Variants in GK5 observed in about 807,000 individuals in gnomAD.
GK5 encodes glycerol kinase 5, also known as ATP:glycerol 3-phosphotransferase 5.
GK5 carries 39 observed loss-of-function variants against 77.3 expected under a neutral mutation model. That is an observed-to-expected ratio of 0.50 (90% CI 0.39 to 0.66). GK5 has a LOEUF of 0.66. GK5 is among the 30% of genes least tolerant of loss of function. The pLI, the probability that GK5 is intolerant of heterozygous loss-of-function variation, is 0.00. For missense variants in GK5, 487 were observed against 633.8 expected (o/e 0.77, Z 2.49); for synonymous variants, 211 against 208.0 (o/e 1.01, Z -0.13).
chr3:142,181,730 G>A (rs993526877), intron 10 of GK5, among the ~76,000 whole-genome samples, 165 bp from the exon 11 acceptor site: 1 of 152,180 alleles, frequency 6.6e-6, no homozygotes, highest in Non-Finnish European at 1.5e-5. Context: ...CTGTAGTCTT[G>A]CAAGTTTCTA....
At position 142,185,947 on chromosome 3, in the gene GK5, A is replaced by G; in HGVS notation, c.798T>C (p.Pro266=). ...GSVDEEIFGV[P]IPIVALVADQ... ...TACTTACCAAGGCAACTATTGGTATAGGCACACCAAATATCTCTTCATCCA... is the reference window on the plus strand; with the variant it reads ...TACTTACCAAGGCAACTATTGGTATGGGCACACCAAATATCTCTTCATCCA... The change falls in exon 9 of 16, where the codon CCT becomes CCC. Residue 266 remains proline, a synonymous_variant. Transcript: ENST00000392993. The G allele has an allele frequency of 6.2e-7, 1 of 1,609,528 alleles. No individual in the cohort carries two copies. Among genetic ancestry groups the G allele is most frequent in the South Asian group, 1.1e-5 (1 of 90,280 alleles).
At chr3:142,180,723 G>A (rs1375237254) in intron 11 of GK5, among the ~76,000 whole-genome samples, 1 of 152,066 alleles carries the variant, frequency 6.6e-6, no homozygotes, top group South Asian at 2.1e-4. Context: ...AGTAGCAGCT[G>A]TTCAGTAGAG....
At chr3:142,215,124 TTTC>T (rs1240004404) in intron 2 of GK5, among the ~76,000 whole-genome samples, 1 of 152,226 alleles carries the variant, frequency 6.6e-6, no homozygotes, top group East Asian at 1.9e-4. Flanking sequence ...TTTAAGAATG[TTTC>T]TAACATTCTT....
Position 142,198,896 on chromosome 3 carries a change from G to C in GK5, c.449C>G (p.Thr150Ser). ...HSSCRVLHFFTRSKRLFTASL... is the reference protein window; with the variant it reads ...HSSCRVLHFFSRSKRLFTASL... ...GGCTGTAAAAAGTCGTTTACTTCTA[G>C]TGAAAAAGTGAAGCACTCGGCAAGA... The change falls in exon 5 of 16, where the codon ACT becomes AGT. Residue 150 changes from threonine to serine, a missense_variant. This residue lies in a region of GK5 where 323 missense variants were observed against 437.4 expected (regional missense o/e 0.74). Coordinates refer to ENST00000392993, the MANE Select transcript of GK5 (RefSeq NM_001039547.3). The C allele has an allele frequency of 1.2e-6, 2 of 1,612,662 alleles. No homozygotes were observed. Among genetic ancestry groups the C allele is most frequent in the Non-Finnish European group, 1.7e-6 (2 of 1,179,010 alleles).
At chr3:142,222,643 C>A (rs1463208495) in intron 1 of GK5, among the ~76,000 whole-genome samples, 2 of 152,002 alleles carry the variant, frequency 1.3e-5, no homozygotes, top group Non-Finnish European at 2.9e-5. Flanking sequence ...TGCAGTAACT[C>A]GTGCCTGTAA....
chr3:142,182,737 C>T (rs1165428597), intron 10 of GK5, among the ~76,000 whole-genome samples, 186 bp downstream of exon 10: 1 of 152,002 alleles, frequency 6.6e-6, no homozygotes, highest in Non-Finnish European at 1.5e-5. Flanking sequence ...TCAACAATAT[C>T]ATTCTTGTTT....
intron 12 of GK5, chr3:142,173,300 CA>C (rs2063564509): frequency 2.9e-6 from 1 of 346,728 alleles, no homozygotes. Flanking sequence ...TCAAAAGAGC[CA>C]AAATGTTGAG....
chr3:142,215,743 G>A, intron 1 of GK5, 51 bp from the exon 2 acceptor site: 1 of 842,386 alleles, frequency 1.2e-6, no homozygotes, highest in South Asian at 1.5e-5. Context: ...CAAGTCAATA[G>A]TATGGGTCTT....
At position 142,213,104 on chromosome 3, in the gene GK5, G is replaced by A. The variant is rs564085822; in HGVS notation, c.317+422C>T. ...CCACCTCGGCCTCCCAAAGTGCTGG[G>A]ATTACAGGCGTGAGCCACCGCTCCT... On this transcript the variant is annotated intron_variant, in intron 3 of 15. Transcript: ENST00000392993. 9.9e-5 allele frequency among the ~76,000 whole-genome samples: 15 copies of A among 152,120 alleles called. No individual in the cohort carries two copies. The East Asian group carries it at 2.7e-3, about 27-fold the overall frequency.
chr3:142,221,523 ATTTTT>A (rs890042099), intron 1 of GK5, among the ~76,000 whole-genome samples: 1 of 151,766 alleles, frequency 6.6e-6, no homozygotes. Context: ...ATAAAAGTTA[ATTTTT>A]TTTTATTAAA....
intron 13 of GK5, 108 bp downstream of exon 13, chr3:142,172,245 A>C: frequency 1.8e-6 from 1 of 552,546 alleles, no homozygotes. Flanking sequence ...TAAGCCAAAA[A>C]TACAAAGAAT....
At chr3:142,207,958 A>T (rs1450009702) in intron 3 of GK5, among the ~76,000 whole-genome samples, 1 of 152,242 alleles carries the variant, frequency 6.6e-6, no homozygotes, top group Non-Finnish European at 1.5e-5. Context: ...GGTCACCATT[A>T]TCATGAGTAC....
Position 142,185,041 on chromosome 3 carries a change from C to CA in GK5, c.816+887dup, listed in dbSNP as rs1354551635. 3.2e-5 allele frequency: 32 copies of CA among 985,310 alleles called. No individual in the cohort carries two copies. In the South Asian group the frequency reaches 1.4e-3, roughly 42 times the overall value. The allele number at this position is 985,310 out of a possible 1,614,324, so 61.0% of individuals were successfully genotyped here. A position where few individuals can be genotyped will look rare whatever the true frequency, so the allele number is the denominator to read the frequency against. ...GCTCCCCCAGCTACTGTGGAGACTG[C>CA]ACATCTTGCAACAGGTGGTCTCTAC... On this transcript the variant is annotated intron_variant, in intron 9 of 15. Coordinates refer to ENST00000392993, the MANE Select transcript of GK5 (RefSeq NM_001039547.3).
At position 142,205,238 on chromosome 3, in the gene GK5, C is replaced by T. The variant is rs373759808; in HGVS notation, c.318-450G>A. Among the ~76,000 whole-genome samples the T allele has an allele frequency of 2.4e-4, 36 of 152,204 alleles. No individual in the cohort carries two copies. The East Asian group carries it at 6.8e-3, about 29-fold the overall frequency. The stretch of plus-strand genomic sequence containing the variant: ...CCTAACATGCTTACCAAAATCTCTC[C>T]AATAAATAGAAATTCAACAACTCTT... On this transcript the variant is annotated intron_variant, in intron 3 of 15. Transcript: ENST00000392993.
chr3:142,177,825 G>C (rs1033152566), intron 11 of GK5, among the ~76,000 whole-genome samples: 3 of 151,606 alleles, frequency 2.0e-5, no homozygotes, highest in Non-Finnish European at 2.9e-5. Context: ...TCTTAGATAG[G>C]CTCTGTATGC....
At chr3:142,184,259 T>C (rs1403076267) in intron 9 of GK5, among the ~76,000 whole-genome samples, 1 of 8,616 alleles carries the variant, frequency 1.2e-4, no homozygotes, top group Non-Finnish European at 1.6e-4. Context: ...AGACTCTGTC[T>C]CAAAAAAAAA....
chr3:142,176,739 G>A (rs1252600260), intron 12 of GK5, among the ~76,000 whole-genome samples: 1 of 130,636 alleles, frequency 7.7e-6, no homozygotes, highest in Non-Finnish European at 1.5e-5. Flanking sequence ...TCGGCTCACT[G>A]CAACCTCCAC....
intron 1 of GK5, among the ~76,000 whole-genome samples, chr3:142,222,442 G>A (rs1341222289): frequency 2.0e-5 from 3 of 152,128 alleles, no homozygotes; most frequent in Non-Finnish European, 4.4e-5. Context: ...GCGGGCGCCT[G>A]TAGTCCCAGC....
intron 2 of GK5, among the ~76,000 whole-genome samples, chr3:142,215,375 G>C (rs1228754337): frequency 6.6e-6 from 1 of 152,152 alleles, no homozygotes; most frequent in Non-Finnish European, 1.5e-5. Context: ...TTATATTACA[G>C]TCGAAAAGAG....
Sources: gnomAD v4.1 joint callset for allele counts (sites outside exome capture counted in the v4.1 genomes callset) on GRCh38, gnomAD v4.1.1 for gene constraint, gnomAD v4.1.1 regional missense constraint, MANE v1.5 for transcripts, NCBI Gene and HGNC (gene_info 2026-07-23, HGNC 2026-07-21) for gene names.